JMJD1C: variants seen among roughly 807,000 people sequenced by gnomAD.
JMJD1C encodes the protein jumonji domain containing 1C, also known as jumonji domain-containing protein 1C.
JMJD1C carries 31 observed loss-of-function variants against 245.3 expected under a neutral mutation model. The observed-to-expected ratio is 0.13, with a 90% CI of 0.09 to 0.17. JMJD1C has a LOEUF of 0.17. Among genes scored for constraint, JMJD1C ranks in the 10% least tolerant of loss-of-function variants. The pLI, the probability that JMJD1C is intolerant of heterozygous loss-of-function variation, is 1.00. For missense variants in JMJD1C, 2,691 were observed against 3,000.2 expected, an observed-to-expected ratio of 0.90 and a Z score of 2.41; for synonymous variants, 1,057 against 1,017.4, an observed-to-expected ratio of 1.04 and a Z score of -0.74.
intron 2 of JMJD1C, among the ~76,000 whole-genome samples, chr10:63,272,766 T>A (rs1267845398): frequency 6.6e-6 from 1 of 152,260 alleles, no homozygotes; most frequent in African/African-American, 2.4e-5. Context: ...AGTACTTTAG[T>A]ACATTTCCCC....
In JMJD1C at chr10:63,429,284, G is replaced by C. The variant is rs991023467; in HGVS notation, c.168+36211C>G. ...ATGAGCTACCGAGCCCAGCCTGACA[G>C]GTCTTTTTTAACTCAGGGGGAATAG... On this transcript the variant is annotated intron_variant, in intron 1 of 25. Coordinates refer to ENST00000399262, the MANE Select transcript of JMJD1C (RefSeq NM_032776.3). 2.0e-5 allele frequency among the ~76,000 whole-genome samples: 3 copies of C among 152,014 alleles called. No individual in the cohort carries two copies. In the South Asian group the frequency reaches 6.2e-4, roughly 31 times the overall value.
At chr10:63,210,318 T>C (rs1418217347) in intron 8 of JMJD1C, among the ~76,000 whole-genome samples, 1 of 152,176 alleles carries the variant, frequency 6.6e-6, no homozygotes, top group African/African-American at 2.4e-5. Context: ...TCTTCACTTT[T>C]GGTCAATAGT....
chr10:63,457,076 CTT>C (rs755243774), intron 1 of JMJD1C, among the ~76,000 whole-genome samples: 18 of 152,120 alleles, frequency 1.2e-4, no homozygotes, highest in Admixed American at 3.9e-4. Flanking sequence ...AAAAACTGCT[CTT>C]GTGTTTTAAA....
rs891085613 is a variant in JMJD1C, at chr10:63,227,551, G to A, written c.448-7568C>T. Among the ~76,000 whole-genome samples, 8 of 152,202 alleles carry A rather than the reference G, an allele frequency of 5.3e-5. No individual in the cohort carries two copies. The South Asian group carries it at 1.7e-3, about 31-fold the overall frequency. Reference sequence around the variant, plus strand: ...GGACAATTTCTGATAGATAATGACTGAATGCTCACTTTCAAATTGATACTG... The same window carrying A: ...GGACAATTTCTGATAGATAATGACTAAATGCTCACTTTCAAATTGATACTG... On this transcript the variant is annotated intron_variant, in intron 3 of 25. Transcript: ENST00000399262.
chr10:63,269,290 G>C, intron 2 of JMJD1C: 2 of 788,858 alleles, frequency 2.5e-6, no homozygotes, highest in African/African-American at 1.9e-5. Flanking sequence ...CTAATCCCCC[G>C]TCACAGGTGC....
Position 63,197,439 on chromosome 10 carries a change from G to A in JMJD1C, c.5616C>T (p.Tyr1872=), listed in dbSNP as rs1199625549. The A allele has an allele frequency of 6.2e-7, 1 of 1,613,506 alleles. No individual in the cohort carries two copies. The highest frequency in any genetic ancestry group is 8.5e-7 in the Non-Finnish European group (1 of 1,179,866). The change falls in exon 13 of 26, where the codon TAC becomes TAT. Residue 1872 remains tyrosine (Y), a synonymous_variant. Coordinates refer to ENST00000399262, the MANE Select transcript of JMJD1C (RefSeq NM_032776.3). ...KCGFVVCLDC[Y]KAKERKSSRD... ...TAGAACTCTTCCTTTCCTTTGCCTT[G>A]TAACAATCTAAGCAGACCACAAATC...
chr10:63,454,694 G>A (rs937052241), intron 1 of JMJD1C, among the ~76,000 whole-genome samples: 3 of 152,178 alleles, frequency 2.0e-5, no homozygotes, highest in African/African-American at 7.2e-5. Flanking sequence ...GCCTCCCAAA[G>A]TGCTGAGATT....
intron 1 of JMJD1C, among the ~76,000 whole-genome samples, chr10:63,477,570 A>G (rs1953703293): frequency 1.5e-5 from 2 of 133,722 alleles, no homozygotes; most frequent in South Asian, 4.9e-4. Context: ...AAAAAAAAAA[A>G]CAACGAACCT....
At chr10:63,374,556 T>C (rs1946569086) in intron 2 of JMJD1C, among the ~76,000 whole-genome samples, 1 of 152,226 alleles carries the variant, frequency 6.6e-6, no homozygotes, top group Admixed American at 6.5e-5. Flanking sequence ...TTTTTGTGGC[T>C]TTCAAGTTCA....
At chr10:63,503,178 C>T (rs1954614191) in intron 1 of JMJD1C, among the ~76,000 whole-genome samples, 1 of 152,146 alleles carries the variant, frequency 6.6e-6, no homozygotes. Flanking sequence ...AACCTAAAGG[C>T]CACAGGCCAT....
chr10:63,238,316 T>C (rs1241959285), intron 3 of JMJD1C, among the ~76,000 whole-genome samples: 1 of 148,440 alleles, frequency 6.7e-6, no homozygotes, highest in Non-Finnish European at 1.5e-5. Flanking sequence ...CCTTTCAGCA[T>C]TTTTTTTTTA....
At chr10:63,512,130 A>G (rs192975030) in intron 1 of JMJD1C, among the ~76,000 whole-genome samples, 3 of 152,366 alleles carry the variant, frequency 2.0e-5, no homozygotes, top group Non-Finnish European at 4.4e-5. Context: ...TACCATGTAT[A>G]GATACACACA....
At chr10:63,283,785 T>C (rs1857668774) in intron 2 of JMJD1C, among the ~76,000 whole-genome samples, 1 of 152,126 alleles carries the variant, frequency 6.6e-6, no homozygotes, top group Non-Finnish European at 1.5e-5. Context: ...TGCTGTATTC[T>C]ACTTGGCCTT....
chr10:63,419,396 T>A (rs4745710), intron 1 of JMJD1C, among the ~76,000 whole-genome samples: 140,043 of 150,756 alleles, frequency 0.93, 65,449 homozygotes, highest in East Asian at 0.99. Context: ...CGAAAAAAAA[T>A]ATATATATAG....
At chr10:63,374,448 G>A (rs1946558508) in intron 2 of JMJD1C, among the ~76,000 whole-genome samples, 2 of 152,172 alleles carry the variant, frequency 1.3e-5, no homozygotes, top group Admixed American at 1.3e-4. Flanking sequence ...ATGCTTACAA[G>A]GGTGTGATGA....
chr10:63,326,282 G>T, intron 2 of JMJD1C, among the ~76,000 whole-genome samples: 1 of 151,792 alleles, frequency 6.6e-6, no homozygotes, highest in East Asian at 1.9e-4. Context: ...ATCATTTGAG[G>T]TCAAGAGTTC....
At chr10:63,282,056 TTTCA>T (rs1234382143) in intron 2 of JMJD1C, among the ~76,000 whole-genome samples, 2 of 152,184 alleles carry the variant, frequency 1.3e-5, no homozygotes, top group African/African-American at 2.4e-5. Context: ...TTCCTAATCG[TTTCA>T]TTGTTTGTCC....
chr10:63,319,993 T>C (rs549017433), intron 2 of JMJD1C, among the ~76,000 whole-genome samples: 2 of 152,294 alleles, frequency 1.3e-5, no homozygotes, highest in South Asian at 4.1e-4. Flanking sequence ...TTCAAACTCC[T>C]GACCTCAGGT....
rs1296771782 is a variant in JMJD1C, at chr10:63,519,468, CCTAT to C, written n.113+2266_113+2269del. Among the ~76,000 whole-genome samples, 14 of 152,144 alleles carry C rather than the reference CCTAT, an allele frequency of 9.2e-5. No homozygotes were observed. In the East Asian group the frequency reaches 1.5e-3, roughly 17 times the overall value. ...ATTCAAATTTTTATTGGACGTTTAC[CCTAT>C]CTGAGGCTAGATAGTTGGAAAACAC... On this transcript the variant is annotated intron_variant and non_coding_transcript_variant, in intron 1 of 3. Coordinates refer to the JMJD1C transcript ENST00000633035.
Sources: gnomAD v4.1 joint callset for allele counts (sites outside exome capture counted in the v4.1 genomes callset) on GRCh38, gnomAD v4.1.1 for gene constraint, MANE v1.5 for transcripts, NCBI Gene and HGNC (gene_info 2026-07-23, HGNC 2026-07-21) for gene names.